Variants in PRAMEF15 observed in about 807,000 individuals in gnomAD.
The protein encoded by PRAMEF15 is PRAME family member 15.
In PRAMEF15, 21 loss-of-function variants were observed where a neutral mutation model predicts 35.3. That is an observed-to-expected ratio of 0.59 (90% CI 0.42 to 0.86). PRAMEF15 has a LOEUF of 0.86. Among genes scored for constraint, PRAMEF15 ranks in the 40% least tolerant of loss-of-function variants. PRAMEF15 has a pLI of 0.00. For synonymous variants in PRAMEF15, 122 were observed against 223.3 expected, an observed-to-expected ratio of 0.55 and a Z score of 4.05; for missense variants, 360 against 574.1, an observed-to-expected ratio of 0.63 and a Z score of 3.81.
At chr1:13,317,093 T>C (rs1297307603) in intron 1 of PRAMEF15, among the ~76,000 whole-genome samples, 15 of 151,420 alleles carry the variant, frequency 9.9e-5, no homozygotes, top group Non-Finnish European at 4.4e-5. Context: ...TGTCTCTCAG[T>C]TCAATCTAGC....
chr1:13,321,440 C>G (rs1393882047), intron 3 of PRAMEF15, among the ~76,000 whole-genome samples: 1 of 151,628 alleles, frequency 6.6e-6, no homozygotes, highest in Non-Finnish European at 1.5e-5. Flanking sequence ...GTCTCAAACT[C>G]CTGATCTCAA....
Position 13,318,485 on chromosome 1 carries a change from C to T in PRAMEF15, c.78C>T (p.Ala26=). The T allele has an allele frequency of 6.2e-7, 1 of 1,614,102 alleles. No individual in the cohort carries two copies. Among genetic ancestry groups the T allele is most frequent in the Non-Finnish European group, 8.5e-7 (1 of 1,180,026 alleles). Residue 26 remains alanine (A), a synonymous_variant, in exon 2 of 4, where the codon GCC becomes GCT. Coordinates refer to ENST00000376152, the MANE Select transcript of PRAMEF15 (RefSeq NM_001098376.3). ...GRSLLRDQAL[A]MSTLEELPTE... ...GCCTGCTGAGGGACCAAGCTTTGGCCATGTCCACCCTGGAGGAGCTGCCCA... is the reference window on the plus strand; with the variant it reads ...GCCTGCTGAGGGACCAAGCTTTGGCTATGTCCACCCTGGAGGAGCTGCCCA...
rs1209168467 is a variant in PRAMEF15, at chr1:13,322,197, C to G, written c.1370C>G (p.Thr457Ser). The G allele has an allele frequency of 1.8e-5, 29 of 1,608,106 alleles. No individual in the cohort carries two copies. Among genetic ancestry groups the G allele is most frequent in the Non-Finnish European group, 2.5e-5 (29 of 1,178,708 alleles). ...CACCCCAAGAGGATCTTGTTCTGTA[C>G]TGACTACTGCCCTGACTGTGGCAAC... ...LRHPKRILFC[T>S]DYCPDCGNRS... Residue 457 changes from threonine to serine, a missense_variant, in exon 4 of 4, where the codon ACT (threonine) becomes AGT (serine). This residue lies in a region of PRAMEF15 where 147 missense variants were observed against 123.5 expected (regional missense o/e 1.19). Coordinates refer to ENST00000376152, the MANE Select transcript of PRAMEF15 (RefSeq NM_001098376.3).
intron 1 of PRAMEF15, among the ~76,000 whole-genome samples, chr1:13,317,727 G>T (rs1420930101): frequency 6.6e-6 from 1 of 151,602 alleles, no homozygotes; most frequent in Non-Finnish European, 1.5e-5. Flanking sequence ...ACTGAGCTGA[G>T]ATCCCACCAC....
Position 13,319,275 on chromosome 1 carries a change from C to G in PRAMEF15, c.294-97C>G, listed in dbSNP as rs1401422343. On this transcript the variant is annotated intron_variant, in intron 2 of 3. Coordinates refer to ENST00000376152, the MANE Select transcript of PRAMEF15 (RefSeq NM_001098376.3). ...AGTGAAGAAAAGTCAGAGAGAGGGA[C>G]AACAAGCAGGGAGGGGAGGAGCTGC... The G allele has an allele frequency of 1.3e-4, 198 of 1,576,244 alleles. 2 individuals are homozygous for G. The African/African-American group carries it at 2.0e-3, about 16-fold the overall frequency.
Position 13,322,058 on chromosome 1 carries a change from T to C in PRAMEF15, c.1231T>C (p.Cys411Arg), listed in dbSNP as rs1640091314. The change falls in exon 4 of 4, where the codon TGT becomes CGT. Residue 411 changes from cysteine to arginine, a missense_variant. By Grantham distance (180) the Cys-to-Arg change is radical. Coordinates refer to ENST00000376152, the MANE Select transcript of PRAMEF15 (RefSeq NM_001098376.3). The part of the protein sequence containing the change: ...LSHTIILKNL[C>R]VELYPAPRES... The stretch of plus-strand genomic sequence containing the variant: ...CCACACAATCATACTCAAAAACTTA[T>C]GTGTGGAGCTGTATCCTGCCCCCCG... The C allele has an allele frequency of 1.2e-6, 2 of 1,610,016 alleles. No individual in the cohort carries two copies. Among genetic ancestry groups the C allele is most frequent in the Admixed American group, 1.7e-5 (1 of 59,766 alleles).
Position 13,318,516 on chromosome 1 carries a change from C to G in PRAMEF15, c.109C>G (p.Leu37Val), listed in dbSNP as rs1640035901. ...CACCCTGGAGGAGCTGCCCACAGAACTTTTCCCCCCACTGTTCATGGAGGC... is the reference window on the plus strand; with the variant it reads ...CACCCTGGAGGAGCTGCCCACAGAAGTTTTCCCCCCACTGTTCATGGAGGC... Reference protein sequence around the residue: ...MSTLEELPTELFPPLFMEAFS... With the variant: ...MSTLEELPTEVFPPLFMEAFS... The change falls in exon 2 of 4, where the codon CTT becomes GTT. Residue 37 changes from leucine to valine, a missense_variant. Physicochemically the swap from Leu to Val is conservative, Grantham distance 32 (BLOSUM62 1). Around this residue, in one of 8 missense-constraint regions of PRAMEF15, gnomAD observed 31 missense variants for 46.4 expected, o/e 0.67. Coordinates refer to ENST00000376152, the MANE Select transcript of PRAMEF15 (RefSeq NM_001098376.3). The G allele has an allele frequency of 1.2e-6, 2 of 1,600,194 alleles. No homozygotes were observed. Among genetic ancestry groups the G allele is most frequent in the African/African-American group, 2.7e-5 (2 of 74,710 alleles).
At chr1:13,320,048 G>A in intron 3 of PRAMEF15, 95 bp downstream of exon 3, 3 of 1,600,450 alleles carry the variant, frequency 1.9e-6, no homozygotes, top group South Asian at 2.2e-5. Flanking sequence ...CTATGAGGAT[G>A]AAACAGTGAA....
intron 3 of PRAMEF15, 137 bp downstream of exon 3, chr1:13,320,090 T>C: frequency 1.3e-6 from 2 of 1,559,110 alleles, no homozygotes; most frequent in South Asian, 1.2e-5. Context: ...CATTGTCCTG[T>C]TGGTGGCCCT....
At chr1:13,317,085 T>C (rs1413977078) in intron 1 of PRAMEF15, among the ~76,000 whole-genome samples, 3 of 151,392 alleles carry the variant, frequency 2.0e-5, no homozygotes, top group Admixed American at 1.3e-4. Context: ...GCTCTCTCTG[T>C]CTCTCAGTTC....
Position 13,318,508 on chromosome 1 carries a change from C to T in PRAMEF15, c.101C>T (p.Pro34Leu). 3 of 1,614,088 alleles carry T rather than the reference C, an allele frequency of 1.9e-6. No homozygotes were observed. In the South Asian group the frequency reaches 3.3e-5, roughly 18 times the overall value. The change falls in exon 2 of 4, where the codon CCC (proline) becomes CTC (leucine). Residue 34 changes from proline (P) to leucine (L), a missense_variant. This residue lies in a region of PRAMEF15 where 31 missense variants were observed against 46.4 expected (regional missense o/e 0.67). Transcript: ENST00000376152. ...GCCATGTCCACCCTGGAGGAGCTGC[C>T]CACAGAACTTTTCCCCCCACTGTTC... ...ALAMSTLEELPTELFPPLFME... is the reference protein window; with the variant it reads ...ALAMSTLEELLTELFPPLFME...
chr1:13,320,258 G>T (rs1446441562), intron 3 of PRAMEF15, among the ~76,000 whole-genome samples: 166 of 152,152 alleles, frequency 1.1e-3, no homozygotes, highest in African/African-American at 3.8e-3. Flanking sequence ...ATGTGTCTAA[G>T]TTAAGATGAT....
chr1:13,318,132 C>T (rs1336708822), intron 1 of PRAMEF15, among the ~76,000 whole-genome samples: 4 of 152,060 alleles, frequency 2.6e-5, no homozygotes, highest in African/African-American at 9.7e-5. Context: ...TTCCTCCATA[C>T]TCACTAGTCA....
chr1:13,315,919 G>C (rs1470916702), intron 1 of PRAMEF15, among the ~76,000 whole-genome samples: 14 of 151,680 alleles, frequency 9.2e-5, no homozygotes, highest in Admixed American at 9.2e-4. Context: ...CAACACTTTG[G>C]GAGGCCAAAG....
intron 2 of PRAMEF15, among the ~76,000 whole-genome samples, chr1:13,319,036 A>G (rs1408519056): frequency 6.6e-6 from 1 of 151,958 alleles, no homozygotes; most frequent in East Asian, 1.9e-4. Context: ...TCTACTACAA[A>G]TACAAAAATT....
At chr1:13,318,759 TG>T in intron 2 of PRAMEF15, 59 bp downstream of exon 2, 1 of 1,605,094 alleles carries the variant, frequency 6.2e-7, no homozygotes, top group Middle Eastern at 2.2e-4. Context: ...AAGGAACAGC[TG>T]GGTCATGTGA....
intron 3 of PRAMEF15, among the ~76,000 whole-genome samples, chr1:13,321,022 G>T (rs1261581178): frequency 2.0e-5 from 3 of 151,978 alleles, no homozygotes; most frequent in Admixed American, 6.6e-5. Flanking sequence ...CCTACAGCCC[G>T]CCCACCCCAG....
chr1:13,317,023 A>G (rs1202428319), intron 1 of PRAMEF15, among the ~76,000 whole-genome samples: 195 of 150,512 alleles, frequency 1.3e-3, no homozygotes, highest in African/African-American at 4.6e-3. Flanking sequence ...AAGAAAGCCA[A>G]AAATCCAATA....
chr1:13,322,550 A>C lies in PRAMEF15; in HGVS notation c.*286A>C. Reference sequence around the variant, plus strand: ...GAATACATGAGGGAGTTACTCTTGCATGGATGGTTGTAAAGAAACAATCAG... The same window carrying C: ...GAATACATGAGGGAGTTACTCTTGCCTGGATGGTTGTAAAGAAACAATCAG... On this transcript the variant is annotated 3_prime_UTR_variant, in exon 4 of 4. Coordinates refer to ENST00000376152, the MANE Select transcript of PRAMEF15 (RefSeq NM_001098376.3). The C allele has an allele frequency of 2.0e-6, 1 of 501,504 alleles. No homozygotes were observed. Among genetic ancestry groups the C allele is most frequent in the Non-Finnish European group, 3.5e-6 (1 of 282,300 alleles). 31.1% of individuals were successfully genotyped at this position (501,504 alleles called of 1,614,324 possible).
Sources: allele counts gnomAD v4.1 joint callset (sites outside exome capture counted in the v4.1 genomes callset), GRCh38; gene constraint gnomAD v4.1.1; regional missense constraint gnomAD v4.1.1; transcripts MANE v1.5; gene names NCBI Gene and HGNC (gene_info 2026-07-23, HGNC 2026-07-21).